PRR7: variants seen among roughly 807,000 people sequenced by gnomAD.
PRR7 encodes the protein proline rich 7, synaptic.
In PRR7, 8 loss-of-function variants were observed where a neutral mutation model predicts 18.5. The ratio of observed to expected loss-of-function variants is 0.43; its 90% confidence interval spans 0.25 to 0.78. The LOEUF (loss-of-function observed/expected upper bound fraction) is 0.78, where lower values mean the gene tolerates loss of function less well. PRR7 is among the 30% of genes least tolerant of loss of function. PRR7 has a pLI of 0.22. For synonymous variants in PRR7, 221 were observed against 187.7 expected (o/e 1.18, Z -1.45); for missense variants, 396 against 403.1 (o/e 0.98, Z 0.15).
At position 177,455,242 on chromosome 5, in the gene PRR7, C is replaced by G. The variant is rs1367723151; in HGVS notation, c.175C>G (p.Leu59Val). ...QNLRALELEP[L>V]ELEGSLAGSP... is the part of the protein sequence containing the mutation. The stretch of plus-strand genomic sequence containing the variant: ...CCTGCGCGCCCTAGAGCTGGAGCCC[C>G]TCGAACTCGAGGGCAGTCTGGCCGG... The change falls in exon 3 of 4, where the codon CTC becomes GTC. Residue 59 changes from leucine to valine, a missense_variant. Leu to Val is a conservative substitution (Grantham distance 32). Around this residue, in one of 2 missense-constraint regions of PRR7, gnomAD observed 383 missense variants for 372.6 expected, o/e 1.03. Coordinates refer to ENST00000323249, the MANE Select transcript of PRR7 (RefSeq NM_030567.5). This position sits in a 1 kb window ranked among gnomAD's most constrained non-coding sequence, Gnocchi z 6.9. The G allele has an allele frequency of 6.4e-7, 1 of 1,555,770 alleles. No individual in the cohort carries two copies. The highest frequency in any genetic ancestry group is 8.6e-7 in the Non-Finnish European group (1 of 1,159,838).
At position 177,449,547 on chromosome 5, in the gene PRR7, C is replaced by T. The variant is rs1295287179; in HGVS notation, c.-325+2587C>T. Among the ~76,000 whole-genome samples the T allele has an allele frequency of 6.6e-6, 1 of 152,212 alleles. No homozygotes were observed. Among genetic ancestry groups the T allele is most frequent in the Non-Finnish European group, 1.5e-5 (1 of 68,036 alleles). On this transcript the variant is annotated intron_variant, in intron 1 of 3. Coordinates refer to ENST00000323249, the MANE Select transcript of PRR7 (RefSeq NM_030567.5). This position sits in a 1 kb window ranked among gnomAD's most constrained non-coding sequence, Gnocchi z 4.2. ...GGTGTCACCATCACGCCCGTGGGGC[C>T]GCCTCCCCTGGGAGGTCAGATCATT...
Position 177,449,960 on chromosome 5 carries a change from G to A in PRR7, c.-325+3000G>A, listed in dbSNP as rs1756107919. Among the ~76,000 whole-genome samples, 1 of 152,102 alleles carries A rather than the reference G, an allele frequency of 6.6e-6. No individual in the cohort carries two copies. The highest frequency in any genetic ancestry group is 1.5e-5 in the Non-Finnish European group (1 of 68,006). ...GTGTTGATGTGGGAAGGGTGTAAGG[G>A]TGTCACCAGTGGCTCCCTGAAATGC... On this transcript the variant is annotated intron_variant, in intron 1 of 3. Coordinates refer to ENST00000323249, the MANE Select transcript of PRR7 (RefSeq NM_030567.5). The surrounding 1 kb of genome is among the most constrained non-coding windows in gnomAD (Gnocchi z 4.2).
intron 1 of PRR7, among the ~76,000 whole-genome samples, chr5:177,451,037 A>G (rs960845072): frequency 1.3e-5 from 2 of 152,162 alleles, no homozygotes; most frequent in African/African-American, 4.8e-5. Context: ...CAGGGGAGAG[A>G]CGATGCTGGC....
chr5:177,451,306 A>G (rs1210095066), intron 1 of PRR7, among the ~76,000 whole-genome samples: 1 of 152,146 alleles, frequency 6.6e-6, no homozygotes, highest in Non-Finnish European at 1.5e-5. Context: ...CTGCCAACTA[A>G]CAAGAATGCC....
chr5:177,456,087 C>G lies in PRR7; in HGVS notation c.791C>G (p.Ser264Cys). The change falls in exon 4 of 4, where the codon TCC becomes TGC. Residue 264 changes from serine to cysteine, a missense_variant. Physicochemically the swap from Ser to Cys is moderately radical, Grantham distance 112. Around this residue, in one of 2 missense-constraint regions of PRR7, gnomAD observed 383 missense variants for 372.6 expected, o/e 1.03. Transcript: ENST00000323249. ...LEHGAWRLPVSIPLFGRTTAV is the reference protein window; with the variant it reads ...LEHGAWRLPVCIPLFGRTTAV ...CACGGAGCTTGGCGTCTGCCGGTCT[C>G]CATCCCCTTGTTCGGGAGGACTACA... The G allele has an allele frequency of 6.4e-7, 1 of 1,562,518 alleles. No individual in the cohort carries two copies. Among genetic ancestry groups the G allele is most frequent in the Non-Finnish European group, 8.6e-7 (1 of 1,162,104 alleles).
intron 1 of PRR7, among the ~76,000 whole-genome samples, chr5:177,448,921 G>T (rs987351447): frequency 6.6e-6 from 1 of 152,212 alleles, no homozygotes; most frequent in Non-Finnish European, 1.5e-5. Flanking sequence ...GCAGCCTGTG[G>T]GTGCTCAGTC....
rs2127388802 is a variant in PRR7, at chr5:177,454,906, C to T, written c.-162C>T. The T allele has an allele frequency of 9.7e-7, 1 of 1,027,520 alleles. No individual in the cohort carries two copies. The highest frequency in any genetic ancestry group is 3.4e-5 in the East Asian group (1 of 29,650). 63.7% of individuals were successfully genotyped at this position (1,027,520 alleles called of 1,614,324 possible). ...AAGGAGCGGGCGCCGCTGCTGTCCC[C>T]CGCCGGCGCGCGCACGACTTGAGAC... is the stretch of plus-strand genomic sequence containing the variant. On this transcript the variant is annotated 5_prime_UTR_variant, in exon 3 of 4. Coordinates refer to ENST00000323249, the MANE Select transcript of PRR7 (RefSeq NM_030567.5). The surrounding 1 kb of genome is among the most constrained non-coding windows in gnomAD (Gnocchi z 4.7).
rs973750472 is a variant in PRR7 at position 177,454,555 on chromosome 5, C to G, written c.-239-274C>G. 2.0e-5 allele frequency among the ~76,000 whole-genome samples: 3 copies of G among 152,190 alleles called. No homozygotes were observed. Among genetic ancestry groups the G allele is most frequent in the Non-Finnish European group, 2.9e-5 (2 of 68,006 alleles). On this transcript the variant is annotated intron_variant, in intron 2 of 3. Transcript: ENST00000323249. This position sits in a 1 kb window ranked among gnomAD's most constrained non-coding sequence, Gnocchi z 4.7. ...GCGAATCTCTCGTTCGGACTCAGAGCTGGAGTCCGTCCTTCGCGCGCCCCC... is the reference window on the plus strand; with the variant it reads ...GCGAATCTCTCGTTCGGACTCAGAGGTGGAGTCCGTCCTTCGCGCGCCCCC...
chr5:177,455,129 G>A lies in PRR7; in HGVS notation c.62G>A (p.Trp21Ter). ...LTCFAGFWLIWGLIVLLCCFC... is the reference protein window; with the variant it reads ...LTCFAGFWLI ...TGCTTCGCCGGCTTCTGGCTCATCT[G>A]GGGTCTCATCGTCCTGCTCTGCTGC... The change falls in exon 3 of 4, where the codon TGG becomes TAG. Residue 21 changes from tryptophan to a stop codon, truncating the protein, a stop_gained. Coordinates refer to ENST00000323249, the MANE Select transcript of PRR7 (RefSeq NM_030567.5). LOFTEE classifies it high-confidence loss of function. This position sits in a 1 kb window ranked among gnomAD's most constrained non-coding sequence, Gnocchi z 6.9. 6.5e-7 allele frequency: 1 copy of A among 1,540,942 alleles called. No individual in the cohort carries two copies. Among genetic ancestry groups the A allele is most frequent in the Non-Finnish European group, 8.7e-7 (1 of 1,145,778 alleles).
At position 177,456,172 on chromosome 5, in the gene PRR7, G is replaced by T. The variant is rs752701730; in HGVS notation, c.*51G>T. ...ACCGGCGGACTCCTGGCCTGACTGCGGGGCTTTTTAAATGCTTCCCTGGAC... is the reference window on the plus strand; with the variant it reads ...ACCGGCGGACTCCTGGCCTGACTGCTGGGCTTTTTAAATGCTTCCCTGGAC... On this transcript the variant is annotated 3_prime_UTR_variant, in exon 4 of 4. Coordinates refer to ENST00000323249, the MANE Select transcript of PRR7 (RefSeq NM_030567.5). 1.4e-5 allele frequency: 20 copies of T among 1,398,312 alleles called. No individual in the cohort carries two copies. Among genetic ancestry groups the T allele is most frequent in the Non-Finnish European group, 1.8e-5 (19 of 1,082,252 alleles). 86.6% of individuals were successfully genotyped at this position (1,398,312 alleles called of 1,614,324 possible). A position where few individuals can be genotyped will look rare whatever the true frequency, so the allele number is the denominator to read the frequency against.
At chr5:177,451,693 G>A (rs1469492045) in intron 1 of PRR7, among the ~76,000 whole-genome samples, 1 of 84,248 alleles carries the variant, frequency 1.2e-5, no homozygotes, top group Admixed American at 1.0e-4. Context: ...GGAGCACCCT[G>A]TAGCCTGCTT....
At chr5:177,447,943 C>T (rs150232859) in intron 1 of PRR7, among the ~76,000 whole-genome samples, 1 of 152,324 alleles carries the variant, frequency 6.6e-6, no homozygotes, top group East Asian at 1.9e-4. Context: ...GGGAGGCACG[C>T]GCCACATGGA....
In PRR7 at chr5:177,454,782, T is replaced by G; in HGVS notation, c.-239-47T>G. ...GGCGCGGGCGGGGGCCGGGAAGTCG[T>G]TGGGGGCCGCGGCGCGCCTTCACTG... On this transcript the variant is annotated intron_variant, in intron 2 of 3. Transcript: ENST00000323249. This position sits in a 1 kb window ranked among gnomAD's most constrained non-coding sequence, Gnocchi z 4.7. 3 of 188,766 alleles carry G rather than the reference T, an allele frequency of 1.6e-5. No individual in the cohort carries two copies. The highest frequency in any genetic ancestry group is 6.2e-5 in the Admixed American group (1 of 16,200). 11.7% of individuals were successfully genotyped at this position (188,766 alleles called of 1,614,324 possible).
chr5:177,448,831 T>C (rs1210571861), intron 1 of PRR7, among the ~76,000 whole-genome samples: 2 of 152,260 alleles, frequency 1.3e-5, no homozygotes, highest in African/African-American at 4.8e-5. Context: ...GGTCCTCGGC[T>C]CATGGGCTCC....
At chr5:177,448,928 A>G (rs923691307) in intron 1 of PRR7, among the ~76,000 whole-genome samples, 41 of 152,206 alleles carry the variant, frequency 2.7e-4, no homozygotes, top group Non-Finnish European at 1.0e-4. Flanking sequence ...GTGGGTGCTC[A>G]GTCTAGCTCC....
At position 177,450,980 on chromosome 5, in the gene PRR7, T is replaced by C. The variant is rs1756147651; in HGVS notation, c.-324-2976T>C. Among the ~76,000 whole-genome samples, 1 of 152,118 alleles carries C rather than the reference T, an allele frequency of 6.6e-6. No homozygotes were observed. Among genetic ancestry groups the C allele is most frequent in the African/African-American group, 2.4e-5 (1 of 41,410 alleles). Reference sequence around the variant, plus strand: ...GCAGCGTAGTGTTGTGAGGAGTGACTAGGCTGGGCAGGGGCACAGCACAGT... The same window carrying C: ...GCAGCGTAGTGTTGTGAGGAGTGACCAGGCTGGGCAGGGGCACAGCACAGT... On this transcript the variant is annotated intron_variant, in intron 1 of 3. Coordinates refer to ENST00000323249, the MANE Select transcript of PRR7 (RefSeq NM_030567.5). The surrounding 1 kb of genome is among the most constrained non-coding windows in gnomAD (Gnocchi z 6.6).
Position 177,455,707 on chromosome 5 carries a change from C to G in PRR7, c.428-17C>G. On this transcript the variant is annotated splice_polypyrimidine_tract_variant and intron_variant, in intron 3 of 3. Coordinates refer to ENST00000323249, the MANE Select transcript of PRR7 (RefSeq NM_030567.5). This position sits in a 1 kb window ranked among gnomAD's most constrained non-coding sequence, Gnocchi z 6.9. Reference sequence around the variant, plus strand: ...AACCGGCGGCCTCACCTCCTCCGACCGCCTCCCACTCCGCAGCGGAATCGG... The same window carrying G: ...AACCGGCGGCCTCACCTCCTCCGACGGCCTCCCACTCCGCAGCGGAATCGG... 6.4e-7 allele frequency: 1 copy of G among 1,558,600 alleles called. No individual in the cohort carries two copies. Among genetic ancestry groups the G allele is most frequent in the African/African-American group, 1.4e-5 (1 of 72,800 alleles).
rs1756409468 is a variant in PRR7, at chr5:177,455,875, G to A, written c.579G>A (p.Lys193=). 4 of 1,611,162 alleles carry A rather than the reference G, an allele frequency of 2.5e-6. No homozygotes were observed. Among genetic ancestry groups the A allele is most frequent in the Non-Finnish European group, 3.4e-6 (4 of 1,179,630 alleles). ...PFLSRRDSAE[K]QEQPPPSYKP... ...TGAGTCGCCGCGACAGCGCGGAGAAGCAGGAGCAGCCGCCTCCCAGCTACA... is the reference window on the plus strand; with the variant it reads ...TGAGTCGCCGCGACAGCGCGGAGAAACAGGAGCAGCCGCCTCCCAGCTACA... The change falls in exon 4 of 4, where the codon AAG becomes AAA. Residue 193 remains lysine, a synonymous_variant. Coordinates refer to ENST00000323249, the MANE Select transcript of PRR7 (RefSeq NM_030567.5). The surrounding 1 kb of genome is among the most constrained non-coding windows in gnomAD (Gnocchi z 6.9).
chr5:177,453,352 G>T (rs1290982098), intron 1 of PRR7, among the ~76,000 whole-genome samples: 1 of 152,200 alleles, frequency 6.6e-6, no homozygotes, highest in East Asian at 1.9e-4. Flanking sequence ...GTGACTGGCA[G>T]CATCGTGTTT....
Sources: gnomAD v4.1 joint callset for allele counts (sites outside exome capture counted in the v4.1 genomes callset) on GRCh38, gnomAD v4.1.1 for gene constraint, gnomAD v4.1.1 regional missense constraint, Gnocchi (gnomAD v3.1) non-coding constraint, MANE v1.5 for transcripts, NCBI Gene and HGNC (gene_info 2026-07-23, HGNC 2026-07-21) for gene names.